DSCAML1: variants seen among roughly 807,000 people sequenced by gnomAD.
The protein encoded by DSCAML1 is cell adhesion molecule DSCAML1.
A neutral mutation model predicts 200.5 loss-of-function variants in DSCAML1; 38 were observed. The observed-to-expected ratio is 0.19, with a 90% CI of 0.15 to 0.25. The LOEUF is 0.25. Among genes scored for constraint, DSCAML1 ranks in the 10% least tolerant of loss-of-function variants. The probability of loss-of-function intolerance (pLI) is 1.00; values close to 1 mark genes in which losing one functional copy is unlikely to be tolerated. For synonymous variants in DSCAML1, 1,215 were observed against 1,165.0 expected, an observed-to-expected ratio of 1.04 and a Z score of -0.87; for missense variants, 2,223 against 2,858.8, an observed-to-expected ratio of 0.78 and a Z score of 5.07.
At chr11:117,762,655 G>A (rs1300280915) in intron 3 of DSCAML1, among the ~76,000 whole-genome samples, 1 of 152,128 alleles carries the variant, frequency 6.6e-6, no homozygotes, top group Non-Finnish European at 1.5e-5. Context: ...TTGAGGTCAG[G>A]AGTTTGAGAC....
intron 19 of DSCAML1, among the ~76,000 whole-genome samples, chr11:117,451,178 C>T (rs996182251): frequency 3.3e-5 from 5 of 152,200 alleles, no homozygotes; most frequent in Non-Finnish European, 5.9e-5. Flanking sequence ...TGGCTGGGCC[C>T]TTTCTGGAAG....
chr11:117,452,362 G>T (rs559974129), intron 19 of DSCAML1, among the ~76,000 whole-genome samples: 1 of 152,226 alleles, frequency 6.6e-6, no homozygotes, highest in East Asian at 1.9e-4. Context: ...CAGAACAAAG[G>T]GTTCCTCTTT....
At chr11:117,545,698 A>G (rs2050361091) in intron 3 of DSCAML1, among the ~76,000 whole-genome samples, 1 of 152,176 alleles carries the variant, frequency 6.6e-6, no homozygotes. Context: ...ATCAGGGGCC[A>G]GGAGCTGAGG....
chr11:117,740,047 G>A (rs1197666852), intron 3 of DSCAML1, among the ~76,000 whole-genome samples: 1 of 152,172 alleles, frequency 6.6e-6, no homozygotes, highest in African/African-American at 2.4e-5. Flanking sequence ...ATTCCCAAAA[G>A]GGATGTTTCC....
chr11:117,712,154 C>T (rs1193970982), intron 3 of DSCAML1, among the ~76,000 whole-genome samples: 1 of 151,988 alleles, frequency 6.6e-6, no homozygotes, highest in Non-Finnish European at 1.5e-5. Flanking sequence ...ATAAAAAATG[C>T]ATGCCTGTAG....
intron 3 of DSCAML1, among the ~76,000 whole-genome samples, chr11:117,624,879 G>C (rs562022855): frequency 7.7e-4 from 118 of 152,288 alleles, no homozygotes; most frequent in African/African-American, 2.6e-3. Flanking sequence ...GACAGAACAA[G>C]AGTTGGGGAG....
chr11:117,727,510 A>T (rs1281593948), intron 3 of DSCAML1, among the ~76,000 whole-genome samples: 1 of 152,152 alleles, frequency 6.6e-6, no homozygotes, highest in Non-Finnish European at 1.5e-5. Flanking sequence ...ACCTCTCTTG[A>T]TGTATTGCTT....
intron 3 of DSCAML1, among the ~76,000 whole-genome samples, chr11:117,766,790 C>T (rs768954911): frequency 6.6e-6 from 1 of 152,124 alleles, no homozygotes; most frequent in African/African-American, 2.4e-5. Context: ...CCTGTGAACA[C>T]GAGACATTTC....
At chr11:117,752,927 G>C (rs1422872502) in intron 3 of DSCAML1, among the ~76,000 whole-genome samples, 2 of 152,170 alleles carry the variant, frequency 1.3e-5, no homozygotes, top group African/African-American at 4.8e-5. Flanking sequence ...CGAGTCTCTA[G>C]GTCTGCCCTG....
chr11:117,514,572 C>CTT (rs532136039), intron 8 of DSCAML1, among the ~76,000 whole-genome samples: 48 of 98,284 alleles, frequency 4.9e-4, no homozygotes, highest in East Asian at 1.2e-3. Flanking sequence ...TTTTCTTTTT[C>CTT]TTTTTTTTTT....
intron 3 of DSCAML1, among the ~76,000 whole-genome samples, chr11:117,631,684 T>C (rs186968654): frequency 2.0e-5 from 3 of 152,182 alleles, no homozygotes; most frequent in East Asian, 1.9e-4. Flanking sequence ...ACACATGTGA[T>C]TGTGCCTGTG....
rs138502124 is a variant in DSCAML1, at chr11:117,613,236, G to T, written c.512-80714C>A. Among the ~76,000 whole-genome samples, 500 of 152,108 alleles carry T rather than the reference G, an allele frequency of 3.3e-3. 11 individuals carry two copies. The East Asian group carries it at 0.049, about 15-fold the overall frequency. ...AAACAGGAGACAAGTGTTCTTGCAG[G>T]ACTGCTGATGTTGCTGGGGACGCAC... On this transcript the variant is annotated intron_variant, in intron 3 of 32. Transcript: ENST00000651296.
chr11:117,725,920 C>T (rs79506234), intron 3 of DSCAML1, among the ~76,000 whole-genome samples: 1,704 of 152,332 alleles, frequency 0.011, 19 homozygotes, highest in East Asian at 0.04. Context: ...TCCAGTTGAG[C>T]CCCTGCAGCC....
At position 117,463,906 on chromosome 11, in the gene DSCAML1, C is replaced by T. The variant is rs551700990; in HGVS notation, c.3265+1036G>A. 1.3e-5 allele frequency among the ~76,000 whole-genome samples: 2 copies of T among 152,232 alleles called. No individual in the cohort carries two copies. The highest frequency in any genetic ancestry group is 2.9e-5 in the Non-Finnish European group (2 of 68,052). ...TTGAAAGTTCCCCAGATAATGCCAACTGGTGGCCAGCGTTAGGAACCATTG... is the reference window on the plus strand; with the variant it reads ...TTGAAAGTTCCCCAGATAATGCCAATTGGTGGCCAGCGTTAGGAACCATTG... On this transcript the variant is annotated intron_variant, in intron 17 of 32. Transcript: ENST00000651296. This position sits in a 1 kb window ranked among gnomAD's most constrained non-coding sequence, Gnocchi z 4.0.
intron 2 of DSCAML1, among the ~76,000 whole-genome samples, chr11:117,778,900 G>A (rs1053238062): frequency 5.3e-5 from 8 of 152,200 alleles, no homozygotes; most frequent in Non-Finnish European, 5.9e-5. Flanking sequence ...GGGAGCCCAG[G>A]GAGAAACCCT....
intron 3 of DSCAML1, among the ~76,000 whole-genome samples, chr11:117,593,438 T>C (rs1487120625): frequency 6.6e-6 from 1 of 152,104 alleles, no homozygotes; most frequent in Non-Finnish European, 1.5e-5. Context: ...GCCTGACAAA[T>C]GAAATGTGAG....
intron 3 of DSCAML1, among the ~76,000 whole-genome samples, chr11:117,763,898 C>T (rs963658964): frequency 6.6e-6 from 1 of 152,186 alleles, no homozygotes; most frequent in African/African-American, 2.4e-5. Flanking sequence ...ACCCCTTCTC[C>T]AGGACCCAGG....
intron 3 of DSCAML1, among the ~76,000 whole-genome samples, chr11:117,713,359 A>C (rs965929798): frequency 6.6e-6 from 1 of 151,560 alleles, no homozygotes; most frequent in Admixed American, 6.6e-5. Flanking sequence ...CAGGTAATCC[A>C]CCCGCCTTGA....
At chr11:117,434,581 C>T (rs1259905082) in intron 27 of DSCAML1, among the ~76,000 whole-genome samples, 1 of 152,114 alleles carries the variant, frequency 6.6e-6, no homozygotes, top group Non-Finnish European at 1.5e-5. Flanking sequence ...CATTATCTGG[C>T]CATTCAACAA....
Sources: allele counts gnomAD v4.1 joint callset (sites outside exome capture counted in the v4.1 genomes callset), GRCh38; gene constraint gnomAD v4.1.1; non-coding constraint Gnocchi (gnomAD v3.1); transcripts MANE v1.5; gene names NCBI Gene and HGNC (gene_info 2026-07-23, HGNC 2026-07-21).